PSMB7: variants seen among roughly 807,000 people sequenced by gnomAD.
PSMB7 encodes proteasome subunit beta type-7.
PSMB7 carries 5 observed loss-of-function variants against 28.1 expected under a neutral mutation model. The ratio of observed to expected loss-of-function variants is 0.18; its 90% CI spans 0.09 to 0.37. The LOEUF is 0.37. Ranked by LOEUF, PSMB7 falls within the 10% of genes least tolerant of loss-of-function variation. The pLI is 1.00. For synonymous variants in PSMB7, 122 were observed against 123.7 expected (o/e 0.99, Z 0.09); for missense variants, 275 against 346.2 (o/e 0.79, Z 1.63).
chr9:124,410,797 T>C (rs1038398809), intron 4 of PSMB7, among the ~76,000 whole-genome samples: 6 of 151,968 alleles, frequency 3.9e-5, no homozygotes, highest in Admixed American at 6.6e-5. Context: ...GCTAGACACA[T>C]AGATGAGGAC....
chr9:124,389,050 G>T (rs1273950208), intron 5 of PSMB7, among the ~76,000 whole-genome samples: 5 of 152,218 alleles, frequency 3.3e-5, no homozygotes, highest in Non-Finnish European at 4.4e-5. Flanking sequence ...ACTCTAAGCT[G>T]CCCCTGAAGG....
At chr9:124,369,000 T>C (rs1000399072) in intron 6 of PSMB7, among the ~76,000 whole-genome samples, 2 of 152,220 alleles carry the variant, frequency 1.3e-5, no homozygotes, top group African/African-American at 2.4e-5. Flanking sequence ...TAAAAGCCAG[T>C]GTATTTGTCA....
At chr9:124,413,694 G>A (rs1297489611) in intron 3 of PSMB7, among the ~76,000 whole-genome samples, 1 of 152,224 alleles carries the variant, frequency 6.6e-6, no homozygotes, top group African/African-American at 2.4e-5. Flanking sequence ...AAGAGGCACA[G>A]AGAGGGCAAA....
intron 3 of PSMB7, among the ~76,000 whole-genome samples, chr9:124,412,740 AGT>A (rs1831042091): frequency 1.3e-5 from 2 of 152,242 alleles, no homozygotes; most frequent in African/African-American, 4.8e-5. Flanking sequence ...CTGTGATAAC[AGT>A]GTGTGCATTC....
rs1261339405 is a variant in PSMB7 at position 124,362,292 on chromosome 9, G to A, written c.571-5377C>T. On this transcript the variant is annotated intron_variant, in intron 6 of 7. Transcript: ENST00000259457. ...GCTGGCCTAGGGGGCAGAAAACAAA[G>A]AGATACTCAGCCTTTTTCCTGAGGA... Among the ~76,000 whole-genome samples, 4 of 152,346 alleles carry A rather than the reference G, an allele frequency of 2.6e-5. No homozygotes were observed. The East Asian group carries it at 7.7e-4, about 29-fold the overall frequency.
intron 4 of PSMB7, among the ~76,000 whole-genome samples, chr9:124,410,481 T>A (rs1367408583): frequency 6.6e-6 from 1 of 152,148 alleles, no homozygotes; most frequent in Non-Finnish European, 1.5e-5. Flanking sequence ...AAAAAAGCCT[T>A]ATATATAATG....
intron 7 of PSMB7, 65 bp from the exon 8 acceptor site, chr9:124,353,774 A>C: frequency 8.2e-7 from 1 of 1,224,436 alleles, no homozygotes; most frequent in Non-Finnish European, 1.2e-6. Context: ...GGCAGAAGAC[A>C]GTGAAAATAA....
Position 124,356,758 on chromosome 9 carries a change from A to G in PSMB7, c.722+6T>C, listed in dbSNP as rs531990129. On this transcript the variant is annotated splice_donor_region_variant and intron_variant, in intron 7 of 7. Coordinates refer to ENST00000259457, the MANE Select transcript of PSMB7 (RefSeq NM_002799.4). This position sits in a 1 kb window ranked among gnomAD's most constrained non-coding sequence, Gnocchi z 4.4. ...ACCCAGGAAGAACTTCGTCTCCTTC[A>G]CTCACCTGGTCCCCTTCTTGTTGGG... 1.8e-4 allele frequency: 293 copies of G among 1,608,196 alleles called. 2 individuals carry two copies. In the South Asian group the frequency reaches 3.0e-3, roughly 17 times the overall value.
chr9:124,375,541 G>C (rs1830602341), intron 6 of PSMB7, among the ~76,000 whole-genome samples: 1 of 152,036 alleles, frequency 6.6e-6, no homozygotes, highest in Non-Finnish European at 1.5e-5. Context: ...AGACAAACGA[G>C]ATACCGAAAC....
intron 4 of PSMB7, among the ~76,000 whole-genome samples, chr9:124,408,588 A>G (rs1830992392): frequency 6.6e-6 from 1 of 152,226 alleles, no homozygotes; most frequent in African/African-American, 2.4e-5. Flanking sequence ...TTCCCCCATA[A>G]GAGTACACAC....
At chr9:124,374,759 G>A (rs766499936) in intron 6 of PSMB7, among the ~76,000 whole-genome samples, 1 of 152,126 alleles carries the variant, frequency 6.6e-6, no homozygotes, top group Non-Finnish European at 1.5e-5. Context: ...AGGCATTCAA[G>A]GCTACAGTGA....
At chr9:124,382,369 G>A (rs1464945309) in intron 6 of PSMB7, among the ~76,000 whole-genome samples, 2 of 151,034 alleles carry the variant, frequency 1.3e-5, no homozygotes, top group Admixed American at 6.6e-5. Context: ...TACCACGTCC[G>A]GCTAATTTTT....
rs188290846 is a variant in PSMB7 at position 124,390,607 on chromosome 9, C to T, written c.512-5951G>A. ...CATGTTCTAAAGCAAAATTAACAGA[C>T]ATGCTTATGCACTATATATTATACA... On this transcript the variant is annotated intron_variant, in intron 5 of 7. Coordinates refer to ENST00000259457, the MANE Select transcript of PSMB7 (RefSeq NM_002799.4). Among the ~76,000 whole-genome samples, 174 of 152,164 alleles carry T rather than the reference C, an allele frequency of 1.1e-3. 1 individual carries two copies. The highest frequency in any genetic ancestry group is 4.0e-3 in the African/African-American group (164 of 41,502).
chr9:124,369,810 G>A (rs1830543976), intron 6 of PSMB7, among the ~76,000 whole-genome samples: 2 of 152,248 alleles, frequency 1.3e-5, no homozygotes, highest in South Asian at 2.1e-4. Flanking sequence ...CAATTCATGT[G>A]AGGAGTCACA....
chr9:124,354,141 C>T (rs1470233046), intron 7 of PSMB7, among the ~76,000 whole-genome samples: 3 of 150,476 alleles, frequency 2.0e-5, no homozygotes, highest in Non-Finnish European at 4.4e-5. Flanking sequence ...ACCTTAGACA[C>T]TGCACAAACA....
At chr9:124,402,355 C>T (rs1830919360) in intron 5 of PSMB7, among the ~76,000 whole-genome samples, 2 of 152,192 alleles carry the variant, frequency 1.3e-5, no homozygotes, top group East Asian at 3.8e-4. Flanking sequence ...CCTAATTCAG[C>T]TTTATGCTCA....
In PSMB7 at chr9:124,356,797, C is replaced by T. The variant is rs375136663; in HGVS notation, c.689G>A (p.Arg230His). 1.1e-5 allele frequency: 17 copies of T among 1,613,996 alleles called. No homozygotes were observed. The highest frequency in any genetic ancestry group is 4.0e-5 in the African/African-American group (3 of 74,916). Residue 230 changes from arginine (R) to histidine (H), a missense_variant, in exon 7 of 8, where the codon CGC (arginine) becomes CAC (histidine). Transcript: ENST00000259457. The surrounding 1 kb of genome is among the most constrained non-coding windows in gnomAD (Gnocchi z 4.4). ...CTTCTTGTTGGGCACTGTGTATGGGCGGAGAAAATCCAGCTTGTTCTTGCT... is the reference window on the plus strand; with the variant it reads ...CTTCTTGTTGGGCACTGTGTATGGGTGGAGAAAATCCAGCTTGTTCTTGCT... ...VISKNKLDFL[R>H]PYTVPNKKGT...
intron 7 of PSMB7, among the ~76,000 whole-genome samples, chr9:124,355,676 C>T (rs1365958067): frequency 2.0e-5 from 3 of 152,206 alleles, no homozygotes; most frequent in African/African-American, 7.2e-5. Flanking sequence ...CGAGGGACTT[C>T]GTGGGCTCAT....
chr9:124,413,682 T>G lies in PSMB7; in HGVS notation c.254+226A>C, dbSNP rs145120883. On this transcript the variant is annotated intron_variant, in intron 3 of 7. Transcript: ENST00000259457. ...AAGGAAAGGATAGGAGGGAATGGATTCAAGAGGCACAGAGAGGGCAAAACT... is the reference window on the plus strand; with the variant it reads ...AAGGAAAGGATAGGAGGGAATGGATGCAAGAGGCACAGAGAGGGCAAAACT... Among the ~76,000 whole-genome samples the G allele has an allele frequency of 8.4e-3, 1,276 of 152,166 alleles. 51 individuals are homozygous for G. Among genetic ancestry groups the G allele is most frequent in the Admixed American group, 0.073 (1,112 of 15,282 alleles).
Sources: gnomAD v4.1 joint callset for allele counts (sites outside exome capture counted in the v4.1 genomes callset) on GRCh38, gnomAD v4.1.1 for gene constraint, Gnocchi (gnomAD v3.1) non-coding constraint, MANE v1.5 for transcripts, NCBI Gene and HGNC (gene_info 2026-07-23, HGNC 2026-07-21) for gene names.